Variants in ATP8B3 observed in about 807,000 individuals in gnomAD.
The protein encoded by ATP8B3 is ATPase phospholipid transporting 8B3, also known as phospholipid-transporting ATPase IK.
Under a neutral mutation model 140.9 loss-of-function variants are expected in ATP8B3, and 141 were observed. That is an observed-to-expected ratio of 1.00 (90% confidence interval 0.87 to 1.15). The LOEUF is 1.15. ATP8B3 is among the 50% of genes most tolerant of loss of function. ATP8B3 has a pLI of 0.00. For missense variants in ATP8B3, 1,874 were observed against 1,740.6 expected (o/e 1.08, Z -1.36); for synonymous variants, 765 against 714.6 (o/e 1.07, Z -1.13).
intron 4 of ATP8B3, among the ~76,000 whole-genome samples, chr19:1,809,082 G>C (rs2069110944): frequency 6.6e-6 from 1 of 152,170 alleles, no homozygotes; most frequent in Non-Finnish European, 1.5e-5. Context: ...TCTCAGGCAG[G>C]AGAATCACTA....
In ATP8B3 at chr19:1,806,469, G is replaced by A. The variant is rs184082310; in HGVS notation, c.677+159C>T. ...GGGCCTCGGCCTCTGTCCTCGTCCC[G>A]GCCAAACGCCTAATGAATGCAGGCC... On this transcript the variant is annotated intron_variant, in intron 7 of 28. Coordinates refer to ENST00000310127, the MANE Select transcript of ATP8B3 (RefSeq NM_138813.4). The surrounding 1 kb of genome is among the most constrained non-coding windows in gnomAD (Gnocchi z 5.6). 2.6e-4 allele frequency: 376 copies of A among 1,466,388 alleles called. 4 individuals are homozygous for A. Among genetic ancestry groups the A allele is most frequent in the South Asian group, 2.4e-3 (171 of 71,466 alleles). The allele number at this position is 1,466,388 out of a possible 1,614,324, so 90.8% of individuals were successfully genotyped here.
chr19:1,797,050 C>G (rs753202971), intron 14 of ATP8B3, 45 bp from the exon 15 acceptor site: 3 of 1,612,256 alleles, frequency 1.9e-6, no homozygotes, highest in South Asian at 1.1e-5. Context: ...ACAGGCCCCC[C>G]ATTCGGGATC....
Position 1,792,030 on chromosome 19 carries a change from G to A in ATP8B3, c.2161C>T (p.Leu721=), listed in dbSNP as rs1351532381. Reference sequence around the variant, plus strand: ...TGCAGGGCCTGTGCCCGGTTCTGCAGCAGGAGGCTGGCCTCCTGGTGGCGC... The same window carrying A: ...TGCAGGGCCTGTGCCCGGTTCTGCAACAGGAGGCTGGCCTCCTGGTGGCGC... ...QQRHQEASLL[L]QNRAQALQQL... The change falls in exon 19 of 29, where the codon CTG becomes TTG. Residue 721 remains leucine (L), a synonymous_variant. Coordinates refer to ENST00000310127, the MANE Select transcript of ATP8B3 (RefSeq NM_138813.4). The A allele has an allele frequency of 4.5e-6, 7 of 1,555,526 alleles. No homozygotes were observed. Among genetic ancestry groups the A allele is most frequent in the Non-Finnish European group, 6.1e-6 (7 of 1,150,248 alleles).
In ATP8B3 at chr19:1,800,505, A is replaced by G. The variant is rs1233010298; in HGVS notation, c.1153-56T>C. 15 of 1,486,354 alleles carry G rather than the reference A, an allele frequency of 1.0e-5. No individual in the cohort carries two copies. Among genetic ancestry groups the G allele is most frequent in the South Asian group, 4.6e-5 (4 of 86,554 alleles). 92.1% of individuals were successfully genotyped at this position (1,486,354 alleles called of 1,614,324 possible). ...GGGGGCGGGGGTCCCCCACTCTGCC[A>G]TCAGGATGGGGTAAACACAAAGATA... On this transcript the variant is annotated intron_variant, in intron 12 of 28. Coordinates refer to ENST00000310127, the MANE Select transcript of ATP8B3 (RefSeq NM_138813.4). The surrounding 1 kb of genome is among the most constrained non-coding windows in gnomAD (Gnocchi z 4.4).
At position 1,800,653 on chromosome 19, in the gene ATP8B3, C is replaced by T. The variant is rs557892125; in HGVS notation, c.1153-204G>A. Among the ~76,000 whole-genome samples the T allele has an allele frequency of 5.9e-5, 9 of 151,982 alleles. No homozygotes were observed. The highest frequency in any genetic ancestry group is 2.1e-4 in the South Asian group (1 of 4,814). On this transcript the variant is annotated intron_variant, in intron 12 of 28. Coordinates refer to ENST00000310127, the MANE Select transcript of ATP8B3 (RefSeq NM_138813.4). The surrounding 1 kb of genome is among the most constrained non-coding windows in gnomAD (Gnocchi z 4.4). The stretch of plus-strand genomic sequence containing the variant: ...TGGGCGACAAAGTGAGACCTCATCT[C>T]GACGAAAAACTTAAAAAATAAATTA...
chr19:1,791,623 C>G, intron 20 of ATP8B3, 127 bp downstream of exon 20: 1 of 694,012 alleles, frequency 1.4e-6, no homozygotes, highest in South Asian at 1.7e-5. Flanking sequence ...GAACTTCTGA[C>G]CTCAAGTGAT....
chr19:1,804,500 C>A (rs1045525074), intron 10 of ATP8B3, among the ~76,000 whole-genome samples: 1 of 151,870 alleles, frequency 6.6e-6, no homozygotes, highest in Non-Finnish European at 1.5e-5. Context: ...CCCAGCTACT[C>A]GGAAGGCTGA....
intron 5 of ATP8B3, 64 bp downstream of exon 5, chr19:1,808,158 G>A (rs1168345872): frequency 7.4e-7 from 1 of 1,351,210 alleles, no homozygotes; most frequent in African/African-American, 1.4e-5. Flanking sequence ...CCATCACACA[G>A]ACAAACACAT....
rs1304759069 is a variant in ATP8B3, at chr19:1,789,260, C to T, written c.2845+101G>A. 2.7e-5 allele frequency: 34 copies of T among 1,236,738 alleles called. 2 individuals are homozygous for T. In the African/African-American group the frequency reaches 5.1e-4, roughly 18 times the overall value. The allele number at this position is 1,236,738 out of a possible 1,614,324, so 76.6% of individuals were successfully genotyped here. On this transcript the variant is annotated intron_variant, in intron 23 of 28. Transcript: ENST00000310127. ...CCAGTCCCACCGCCGCCTCCATCAGCGCCCCCCTCACCTGCCCCAGGTCCC... is the reference window on the plus strand; with the variant it reads ...CCAGTCCCACCGCCGCCTCCATCAGTGCCCCCCTCACCTGCCCCAGGTCCC...
At chr19:1,804,242 C>T (rs1476448341) in intron 10 of ATP8B3, among the ~76,000 whole-genome samples, 2 of 152,140 alleles carry the variant, frequency 1.3e-5, no homozygotes, top group Non-Finnish European at 2.9e-5. Flanking sequence ...ACCTGTCACC[C>T]CAGAACTTTG....
In ATP8B3 at chr19:1,782,779, T is replaced by C; in HGVS notation, c.*249A>G. ...TCAACAGCAACTTCTCAGGAGAAGGTGGCCTCTGCTTGGGTGACAATGACC... is the reference window on the plus strand; with the variant it reads ...TCAACAGCAACTTCTCAGGAGAAGGCGGCCTCTGCTTGGGTGACAATGACC... On this transcript the variant is annotated 3_prime_UTR_variant, in exon 29 of 29. Transcript: ENST00000310127. 2 of 520,784 alleles carry C rather than the reference T, an allele frequency of 3.8e-6. No individual in the cohort carries two copies. Among genetic ancestry groups the C allele is most frequent in the East Asian group, 6.6e-5 (2 of 30,222 alleles). 32.3% of individuals were successfully genotyped at this position (520,784 alleles called of 1,614,324 possible).
At position 1,782,781 on chromosome 19, in the gene ATP8B3, G is replaced by T. The variant is rs746200967; in HGVS notation, c.*247C>A. On this transcript the variant is annotated 3_prime_UTR_variant, in exon 29 of 29. Coordinates refer to ENST00000310127, the MANE Select transcript of ATP8B3 (RefSeq NM_138813.4). ...AACAGCAACTTCTCAGGAGAAGGTG[G>T]CCTCTGCTTGGGTGACAATGACCTC... 11 of 523,390 alleles carry T rather than the reference G, an allele frequency of 2.1e-5. No homozygotes were observed. Among genetic ancestry groups the T allele is most frequent in the Non-Finnish European group, 2.7e-5 (8 of 291,866 alleles). The allele number at this position is 523,390 out of a possible 1,614,324, so 32.4% of individuals were successfully genotyped here.
intron 14 of ATP8B3, chr19:1,799,628 G>T: frequency 1.9e-6 from 1 of 526,446 alleles, no homozygotes; most frequent in Admixed American, 3.7e-5. Context: ...ATTAGGTGTG[G>T]TGGCAGGTGC....
intron 20 of ATP8B3, 78 bp downstream of exon 20, chr19:1,791,672 T>C: frequency 9.0e-7 from 1 of 1,110,792 alleles, no homozygotes. Context: ...GGATGACAGG[T>C]GTGAGCCTTC....
rs977096892 is a variant in ATP8B3, at chr19:1,811,392, G to A, written c.248+97C>T. ...GAGGATGGGCAAACCACCCCTAGAC[G>A]CCAGCAACTGGCCCCCCACCTGCCA... On this transcript the variant is annotated intron_variant, in intron 2 of 28. Coordinates refer to ENST00000310127, the MANE Select transcript of ATP8B3 (RefSeq NM_138813.4). 6 of 1,474,866 alleles carry A rather than the reference G, an allele frequency of 4.1e-6. No homozygotes were observed. In the African/African-American group the frequency reaches 4.2e-5, roughly 10 times the overall value. The allele number at this position is 1,474,866 out of a possible 1,614,324, so 91.4% of individuals were successfully genotyped here.
chr19:1,806,194 G>A lies in ATP8B3; in HGVS notation c.678-25C>T. Reference sequence around the variant, plus strand: ...GCTGCGGGGAGAGGGGGTTGTGAAGGAGGCCCCTCCCTCTGCCAACCCTCC... The same window carrying A: ...GCTGCGGGGAGAGGGGGTTGTGAAGAAGGCCCCTCCCTCTGCCAACCCTCC... On this transcript the variant is annotated intron_variant, in intron 7 of 28. Coordinates refer to ENST00000310127, the MANE Select transcript of ATP8B3 (RefSeq NM_138813.4). The surrounding 1 kb of genome is among the most constrained non-coding windows in gnomAD (Gnocchi z 5.6). The A allele has an allele frequency of 6.4e-7, 1 of 1,567,894 alleles. No homozygotes were observed. Among genetic ancestry groups the A allele is most frequent in the Non-Finnish European group, 8.6e-7 (1 of 1,157,696 alleles).
Position 1,807,095 on chromosome 19 carries a change from C to A in ATP8B3, c.615+73G>T, listed in dbSNP as rs1002369328. 7.3e-7 allele frequency: 1 copy of A among 1,370,962 alleles called. No individual in the cohort carries two copies. The allele number at this position is 1,370,962 out of a possible 1,614,324, so 84.9% of individuals were successfully genotyped here. A position where few individuals can be genotyped will look rare whatever the true frequency, so the allele number is the denominator to read the frequency against. On this transcript the variant is annotated intron_variant, in intron 6 of 28. Transcript: ENST00000310127. The surrounding 1 kb of genome is among the most constrained non-coding windows in gnomAD (Gnocchi z 5.9). ...GGAAGCCCAGCCCTCCTCCCACTCT[C>A]GCCCAGGGATCAAGAGACCCCCCCG...
intron 16 of ATP8B3, 52 bp downstream of exon 16, chr19:1,796,659 C>A (rs1034896721): frequency 4.4e-6 from 7 of 1,573,896 alleles, no homozygotes; most frequent in Non-Finnish European, 6.0e-6. Context: ...GGGGACACTG[C>A]CGTGCCCCGG....
Position 1,800,567 on chromosome 19 carries a change from C to G in ATP8B3, c.1153-118G>C. On this transcript the variant is annotated intron_variant, in intron 12 of 28. Coordinates refer to ENST00000310127, the MANE Select transcript of ATP8B3 (RefSeq NM_138813.4). This position sits in a 1 kb window ranked among gnomAD's most constrained non-coding sequence, Gnocchi z 4.4. ...GGGCACAGTGGCTCATGCCTGTAAT[C>G]TCAGCACTTCAGGAGGCTAAGGCAG... 2 of 916,242 alleles carry G rather than the reference C, an allele frequency of 2.2e-6. No homozygotes were observed. Among genetic ancestry groups the G allele is most frequent in the Non-Finnish European group, 3.3e-6 (2 of 605,778 alleles). 56.8% of individuals were successfully genotyped at this position (916,242 alleles called of 1,614,324 possible). A position where few individuals can be genotyped will look rare whatever the true frequency, so the allele number is the denominator to read the frequency against.
Sources: gnomAD v4.1 joint callset for allele counts (sites outside exome capture counted in the v4.1 genomes callset) on GRCh38, gnomAD v4.1.1 for gene constraint, Gnocchi (gnomAD v3.1) non-coding constraint, MANE v1.5 for transcripts, NCBI Gene and HGNC (gene_info 2026-07-23, HGNC 2026-07-21) for gene names.